The following CPM variants were observed in gnomAD, a reference collection of about 807,000 sequenced individuals.
The protein encoded by CPM is renal carboxypeptidase.
A neutral mutation model predicts 46.4 loss-of-function variants in CPM; 35 were observed. The ratio of observed to expected loss-of-function variants is 0.75; its 90% CI spans 0.58 to 1.00. CPM has a LOEUF of 1.00. CPM is among the 50% of genes least tolerant of loss of function. The pLI, the probability that CPM is intolerant of heterozygous loss-of-function variation, is 0.00. For synonymous variants in CPM, 195 were observed against 195.3 expected (o/e 1.00, Z 0.01); for missense variants, 422 against 530.4 (o/e 0.80, Z 2.01).
intron 2 of CPM, among the ~76,000 whole-genome samples, chr12:68,888,679 C>G (rs146664703): frequency 1.3e-3 from 194 of 152,264 alleles, no homozygotes; most frequent in African/African-American, 4.5e-3. Context: ...CCCAAAAGTT[C>G]CTGCTATAAC....
At chr12:68,923,534 C>A (rs1888127201) in intron 2 of CPM, among the ~76,000 whole-genome samples, 1 of 152,176 alleles carries the variant, frequency 6.6e-6, no homozygotes, top group Admixed American at 6.5e-5. Context: ...CTCTTGCTTT[C>A]ATATCCAATA....
chr12:68,949,888 A>T (rs1203906813), intron 1 of CPM, among the ~76,000 whole-genome samples: 1 of 152,194 alleles, frequency 6.6e-6, no homozygotes, highest in Non-Finnish European at 1.5e-5. Flanking sequence ...CTCCATTCTC[A>T]GACAGCCTCT....
intron 1 of CPM, among the ~76,000 whole-genome samples, chr12:68,949,993 T>C (rs1017819385): frequency 5.3e-5 from 8 of 152,096 alleles, no homozygotes; most frequent in Non-Finnish European, 8.8e-5. Context: ...CGAATGAAGA[T>C]TATGCACCTG....
At chr12:68,916,875 G>A (rs867708488) in intron 2 of CPM, among the ~76,000 whole-genome samples, 182 of 139,650 alleles carry the variant, frequency 1.3e-3, no homozygotes, top group Non-Finnish European at 1.9e-3. Context: ...GTGACAGAGC[G>A]AGACTCTTGT....
At chr12:68,867,505 T>G (rs776753248) in intron 6 of CPM, among the ~76,000 whole-genome samples, 19 of 152,200 alleles carry the variant, frequency 1.2e-4, no homozygotes, top group Admixed American at 2.0e-4. Flanking sequence ...GGGCCAACAT[T>G]CACTATTGCC....
At chr12:68,928,880 C>T (rs1888383323) in intron 2 of CPM, among the ~76,000 whole-genome samples, 1 of 151,492 alleles carries the variant, frequency 6.6e-6, no homozygotes, top group Admixed American at 6.6e-5. Context: ...GCTGGGACCA[C>T]AGGCATGCAC....
chr12:68,949,889 G>A (rs1312569428), intron 1 of CPM, among the ~76,000 whole-genome samples: 6 of 152,162 alleles, frequency 3.9e-5, no homozygotes, highest in Non-Finnish European at 2.9e-5. Context: ...TCCATTCTCA[G>A]ACAGCCTCTC....
chr12:68,852,256 C>G lies in CPM; in HGVS notation c.*4181G>C, dbSNP rs1177166307. On this transcript the variant is annotated 3_prime_UTR_variant, in exon 9 of 9. Coordinates refer to ENST00000551568, the MANE Select transcript of CPM (RefSeq NM_198320.5). ...CAACACTGTCATTTATCTGCAGGGACTTAATGTTTTTCTAAAATACTCTTT... is the reference window on the plus strand; with the variant it reads ...CAACACTGTCATTTATCTGCAGGGAGTTAATGTTTTTCTAAAATACTCTTT... 1 of 152,230 alleles carries G rather than the reference C, an allele frequency of 6.6e-6. No individual in the cohort carries two copies. Among genetic ancestry groups the G allele is most frequent in the Non-Finnish European group, 1.5e-5 (1 of 68,046 alleles). The allele number at this position is 152,230 out of a possible 1,614,324, so 9.4% of individuals were successfully genotyped here. A position where few individuals can be genotyped will look rare whatever the true frequency, so the allele number is the denominator to read the frequency against.
chr12:68,938,210 A>C (rs889105679), intron 1 of CPM, among the ~76,000 whole-genome samples: 2 of 152,182 alleles, frequency 1.3e-5, no homozygotes, highest in African/African-American at 4.8e-5. Context: ...TAAAAGAAAA[A>C]TTTTAAACTT....
At chr12:68,906,697 G>T (rs934894879) in intron 2 of CPM, among the ~76,000 whole-genome samples, 1 of 152,030 alleles carries the variant, frequency 6.6e-6, no homozygotes, top group Non-Finnish European at 1.5e-5. Flanking sequence ...TCACCAAGCT[G>T]GTCTTGAACT....
intron 1 of CPM, among the ~76,000 whole-genome samples, chr12:68,956,302 C>G (rs1354064119): frequency 6.6e-6 from 1 of 152,178 alleles, no homozygotes; most frequent in East Asian, 1.9e-4. Flanking sequence ...AGGGGGAATT[C>G]CTGGGCCCCA....
chr12:68,949,313 G>A (rs1420187262), intron 1 of CPM, among the ~76,000 whole-genome samples: 1 of 152,210 alleles, frequency 6.6e-6, no homozygotes, highest in Non-Finnish European at 1.5e-5. Context: ...CAAGGCTGCA[G>A]TAAGCCGTGA....
intron 2 of CPM, among the ~76,000 whole-genome samples, chr12:68,912,737 C>T (rs1217687788): frequency 6.6e-6 from 1 of 152,200 alleles, no homozygotes; most frequent in Non-Finnish European, 1.5e-5. Flanking sequence ...AATGGTTTCT[C>T]ACTAGACTGT....
intron 1 of CPM, among the ~76,000 whole-genome samples, chr12:68,945,711 A>G (rs1888835066): frequency 6.6e-6 from 1 of 152,184 alleles, no homozygotes; most frequent in Admixed American, 6.5e-5. Context: ...TAGCTTCAGG[A>G]GTCCTTGCAG....
At chr12:68,885,068 C>T (rs1032095378) in intron 3 of CPM, among the ~76,000 whole-genome samples, 5 of 152,084 alleles carry the variant, frequency 3.3e-5, no homozygotes, top group Non-Finnish European at 5.9e-5. Context: ...CTCAGCCTCC[C>T]GACTAGCTGA....
intron 3 of CPM, 129 bp from the exon 4 acceptor site, chr12:68,872,085 T>C: frequency 1.1e-6 from 1 of 897,908 alleles, no homozygotes. Context: ...GTTTGTAAGA[T>C]CACTCTTTCT....
chr12:68,952,618 C>T (rs2136336002), intron 1 of CPM, among the ~76,000 whole-genome samples: 1 of 152,318 alleles, frequency 6.6e-6, no homozygotes, highest in Admixed American at 6.5e-5. Flanking sequence ...CCCCTCATCC[C>T]AGCACCTATC....
chr12:68,945,638 C>T (rs555763759), intron 1 of CPM, among the ~76,000 whole-genome samples: 2 of 152,168 alleles, frequency 1.3e-5, no homozygotes, highest in East Asian at 1.9e-4. Context: ...TTATCCACAT[C>T]GTTAGTATAG....
chr12:68,923,104 T>C (rs2136309443), intron 2 of CPM, among the ~76,000 whole-genome samples: 1 of 151,896 alleles, frequency 6.6e-6, no homozygotes, highest in Non-Finnish European at 1.5e-5. Context: ...AAGATTTGAC[T>C]AAATTTGACT....
Sources: gnomAD v4.1 joint callset for allele counts (sites outside exome capture counted in the v4.1 genomes callset) on GRCh38, gnomAD v4.1.1 for gene constraint, MANE v1.5 for transcripts, NCBI Gene and HGNC (gene_info 2026-07-23, HGNC 2026-07-21) for gene names.